Variants in EEPD1 observed in about 807,000 individuals in gnomAD.
The protein encoded by EEPD1 is endonuclease/exonuclease/phosphatase family domain-containing protein 1.
In EEPD1, 17 loss-of-function variants were observed where a neutral mutation model predicts 46.3. The ratio of observed to expected loss-of-function variants is 0.37; its 90% CI spans 0.25 to 0.55. The LOEUF (loss-of-function observed/expected upper bound fraction) is 0.55. Among genes scored for constraint, EEPD1 ranks in the 20% least tolerant of loss-of-function variants. EEPD1 has a pLI of 0.83. For synonymous variants in EEPD1, 313 were observed against 315.6 expected (o/e 0.99, Z 0.09); for missense variants, 673 against 745.6 (o/e 0.90, Z 1.13).
At chr7:36,280,273 C>T (rs899237734) in intron 3 of EEPD1, among the ~76,000 whole-genome samples, 1 of 152,076 alleles carries the variant, frequency 6.6e-6, no homozygotes. Context: ...TGTAAGCTGC[C>T]TCAGTGGGGC....
At chr7:36,276,622 A>G (rs940611220) in intron 3 of EEPD1, among the ~76,000 whole-genome samples, 2 of 152,218 alleles carry the variant, frequency 1.3e-5, no homozygotes, top group Non-Finnish European at 2.9e-5. Flanking sequence ...GGAATAATAA[A>G]AGCTGTCTTC....
At chr7:36,195,190 G>A (rs1398018539) in intron 2 of EEPD1, among the ~76,000 whole-genome samples, 2 of 152,224 alleles carry the variant, frequency 1.3e-5, no homozygotes, top group African/African-American at 2.4e-5. Flanking sequence ...GCTTCTTGGA[G>A]GGATGCTCAT....
chr7:36,240,052 T>A (rs1012630564), intron 3 of EEPD1, among the ~76,000 whole-genome samples: 6 of 152,186 alleles, frequency 3.9e-5, no homozygotes, highest in Admixed American at 6.5e-5. Flanking sequence ...GAGGGTTGCT[T>A]GAGCCCAGGA....
At chr7:36,207,056 AAAAC>A (rs1785833244) in intron 2 of EEPD1, among the ~76,000 whole-genome samples, 1 of 152,134 alleles carries the variant, frequency 6.6e-6, no homozygotes, top group Non-Finnish European at 1.5e-5. Flanking sequence ...CTCAAAAACA[AAAAC>A]AAAAACAACA....
At chr7:36,163,651 G>A (rs374667833) in intron 2 of EEPD1, among the ~76,000 whole-genome samples, 5 of 152,098 alleles carry the variant, frequency 3.3e-5, no homozygotes, top group Admixed American at 6.5e-5. Flanking sequence ...AGGCCGAGGC[G>A]GGCGGATCAT....
At chr7:36,270,995 A>G (rs527949276) in intron 3 of EEPD1, among the ~76,000 whole-genome samples, 1 of 150,378 alleles carries the variant, frequency 6.6e-6, no homozygotes, top group South Asian at 2.1e-4. Context: ...TATTATTATT[A>G]TTTTTTTTTG....
intron 2 of EEPD1, among the ~76,000 whole-genome samples, chr7:36,191,356 T>C (rs1785457753): frequency 6.6e-6 from 1 of 152,094 alleles, no homozygotes; most frequent in African/African-American, 2.4e-5. Flanking sequence ...GCTGGACAGA[T>C]AAGCATGGAG....
rs7778561 is a variant in EEPD1 at position 36,297,265 on chromosome 7, C to T, written c.1510+78C>T. 3,842 of 1,477,006 alleles carry T rather than the reference C, an allele frequency of 2.6e-3. 10 individuals carry two copies. Among genetic ancestry groups the T allele is most frequent in the Non-Finnish European group, 3.3e-3 (3,536 of 1,079,172 alleles). The allele number at this position is 1,477,006 out of a possible 1,614,324, so 91.5% of individuals were successfully genotyped here. Reference sequence around the variant, plus strand: ...ACATGTCTGAACTGACAGAAGTCATCTCACCTCCTCTGAGGCATACATAGG... The same window carrying T: ...ACATGTCTGAACTGACAGAAGTCATTTCACCTCCTCTGAGGCATACATAGG... On this transcript the variant is annotated intron_variant, in intron 7 of 7. Transcript: ENST00000242108.
intron 2 of EEPD1, among the ~76,000 whole-genome samples, chr7:36,199,856 A>G (rs975209390): frequency 1.3e-5 from 2 of 152,222 alleles, no homozygotes; most frequent in East Asian, 1.9e-4. Context: ...AAAAGCACCT[A>G]TGGACTGTCG....
At chr7:36,221,100 C>T (rs1786138433) in intron 2 of EEPD1, among the ~76,000 whole-genome samples, 2 of 152,206 alleles carry the variant, frequency 1.3e-5, no homozygotes, top group Non-Finnish European at 1.5e-5. Context: ...TGAGCCACTG[C>T]GTCCAGCCAA....
intron 3 of EEPD1, among the ~76,000 whole-genome samples, chr7:36,252,769 G>A (rs2115813195): frequency 6.6e-6 from 1 of 151,598 alleles, no homozygotes; most frequent in South Asian, 2.1e-4. Context: ...AGACTGTGGG[G>A]GCAGGCAGAG....
At chr7:36,283,000 T>C (rs1787284134) in intron 4 of EEPD1, among the ~76,000 whole-genome samples, 1 of 151,724 alleles carries the variant, frequency 6.6e-6, no homozygotes, top group Admixed American at 6.6e-5. Flanking sequence ...AAGTGGGCCA[T>C]TTCTCCGATG....
chr7:36,159,108 A>T (rs998457553), intron 2 of EEPD1, among the ~76,000 whole-genome samples: 1 of 152,260 alleles, frequency 6.6e-6, no homozygotes, highest in Non-Finnish European at 1.5e-5. Context: ...GATTAGTAGG[A>T]TCAATATAAA....
chr7:36,206,486 T>C (rs1785820108), intron 2 of EEPD1, among the ~76,000 whole-genome samples: 1 of 152,164 alleles, frequency 6.6e-6, no homozygotes, highest in Admixed American at 6.5e-5. Flanking sequence ...AGGTGCCCAG[T>C]GGCCACATGT....
chr7:36,271,879 C>G (rs367937150), intron 3 of EEPD1, among the ~76,000 whole-genome samples: 5 of 16,442 alleles, frequency 3.0e-4, no homozygotes, highest in East Asian at 2.2e-3. Flanking sequence ...CTATTCTATT[C>G]TATTGTATTC....
chr7:36,258,026 T>G (rs540444176), intron 3 of EEPD1, among the ~76,000 whole-genome samples: 1 of 152,348 alleles, frequency 6.6e-6, no homozygotes, highest in African/African-American at 2.4e-5. Context: ...ACATCTTTTT[T>G]GTTGATGTTG....
chr7:36,264,060 T>G (rs1314978340), intron 3 of EEPD1, among the ~76,000 whole-genome samples: 1 of 152,224 alleles, frequency 6.6e-6, no homozygotes, highest in Non-Finnish European at 1.5e-5. Flanking sequence ...GACTTTTACA[T>G]GGATAAAGCT....
chr7:36,204,317 G>A (rs548686097), intron 2 of EEPD1, among the ~76,000 whole-genome samples: 1 of 152,162 alleles, frequency 6.6e-6, no homozygotes, highest in South Asian at 2.1e-4. Flanking sequence ...ATTATAGTTG[G>A]GAGCCACTGT....
chr7:36,260,673 A>G (rs1186783612), intron 3 of EEPD1, among the ~76,000 whole-genome samples: 2 of 152,264 alleles, frequency 1.3e-5, no homozygotes, highest in African/African-American at 4.8e-5. Context: ...AAGCCTCGTG[A>G]TAGTCTAGAA....
Sources: allele counts gnomAD v4.1 joint callset (sites outside exome capture counted in the v4.1 genomes callset), GRCh38; gene constraint gnomAD v4.1.1; transcripts MANE v1.5; gene names NCBI Gene and HGNC (gene_info 2026-07-23, HGNC 2026-07-21).